PTPRM: variants seen among roughly 807,000 people sequenced by gnomAD.
PTPRM encodes the protein receptor-type tyrosine-protein phosphatase mu.
PTPRM carries 47 observed loss-of-function variants against 186.7 expected under a neutral mutation model. That is an observed-to-expected ratio of 0.25 (90% confidence interval 0.20 to 0.32). The LOEUF is 0.32. Ranked by LOEUF, PTPRM falls within the 10% of genes least tolerant of loss-of-function variation. PTPRM has a pLI of 1.00. For missense variants in PTPRM, 1,494 were observed against 1,865.0 expected (o/e 0.80, Z 3.66); for synonymous variants, 668 against 674.9 (o/e 0.99, Z 0.16).
intron 22 of PTPRM, among the ~76,000 whole-genome samples, chr18:8,335,673 C>G (rs945384438): frequency 2.0e-5 from 3 of 152,184 alleles, no homozygotes; most frequent in African/African-American, 7.2e-5. Context: ...CTTTCACTTA[C>G]GGGTTTCATC....
At chr18:8,365,989 G>A (rs772445315) in intron 23 of PTPRM, among the ~76,000 whole-genome samples, 1 of 152,176 alleles carries the variant, frequency 6.6e-6, no homozygotes, top group African/African-American at 2.4e-5. Context: ...ATGGCCTGGG[G>A]AGAGGGGGGC....
chr18:8,358,247 A>ATG (rs1263323649), intron 23 of PTPRM, among the ~76,000 whole-genome samples: 2 of 105,444 alleles, frequency 1.9e-5, no homozygotes, highest in African/African-American at 8.0e-5. Context: ...TGCACATGAC[A>ATG]CGCACACACA....
intron 1 of PTPRM, among the ~76,000 whole-genome samples, chr18:7,601,678 C>T (rs1400074022): frequency 6.6e-6 from 1 of 152,200 alleles, no homozygotes. Context: ...AGGATTATCT[C>T]CACATTGTAG....
At chr18:8,033,374 T>G (rs982719290) in intron 7 of PTPRM, among the ~76,000 whole-genome samples, 1 of 152,150 alleles carries the variant, frequency 6.6e-6, no homozygotes, top group African/African-American at 2.4e-5. Flanking sequence ...CACTATACAG[T>G]CATGTGTCAC....
intron 1 of PTPRM, among the ~76,000 whole-genome samples, chr18:7,701,470 C>A (rs548296787): frequency 7.1e-6 from 1 of 140,706 alleles, no homozygotes; most frequent in South Asian, 2.3e-4. Context: ...CGTGGTGGCG[C>A]GTGCGTGTAG....
At chr18:7,937,261 A>AGACCTAGAAGCTCCCC (rs2051874285) in intron 5 of PTPRM, among the ~76,000 whole-genome samples, 1 of 152,346 alleles carries the variant, frequency 6.6e-6, no homozygotes, top group East Asian at 1.9e-4. Context: ...CAGGGAGCCC[A>AGACCTAGAAGCTCCCC]GACCTAGAAG....
intron 3 of PTPRM, among the ~76,000 whole-genome samples, chr18:7,889,332 T>TC (rs2048941319): frequency 4.0e-5 from 5 of 123,536 alleles, no homozygotes; most frequent in African/African-American, 2.0e-4. Flanking sequence ...TTCTTTTCTT[T>TC]CTTTTTTTTT....
intron 7 of PTPRM, among the ~76,000 whole-genome samples, chr18:8,033,211 C>G (rs949651772): frequency 6.6e-5 from 10 of 151,914 alleles, no homozygotes; most frequent in African/African-American, 2.4e-4. Context: ...TAAAACTGGG[C>G]AAAGGATTAT....
At chr18:8,016,830 T>A (rs1224547191) in intron 7 of PTPRM, among the ~76,000 whole-genome samples, 1 of 152,206 alleles carries the variant, frequency 6.6e-6, no homozygotes, top group Non-Finnish European at 1.5e-5. Context: ...AATCTGGAGA[T>A]GATCACACTT....
intron 7 of PTPRM, among the ~76,000 whole-genome samples, chr18:8,006,717 G>T (rs555126908): frequency 2.6e-5 from 4 of 152,194 alleles, no homozygotes; most frequent in Non-Finnish European, 5.9e-5. Context: ...TGAAGCACCA[G>T]TCACACCAAA....
rs2036497707 is a variant in PTPRM at position 7,568,719 on chromosome 18, T to C, written c.73+828T>C. 6.6e-6 allele frequency among the ~76,000 whole-genome samples: 1 copy of C among 152,112 alleles called. No homozygotes were observed. The highest frequency in any genetic ancestry group is 1.5e-5 in the Non-Finnish European group (1 of 68,006). ...GTGTGCGAGCAAGCGTGTGAGTGTG[T>C]GCGCGTGTGTGCCTGCACGCGCGCG... On this transcript the variant is annotated intron_variant, in intron 1 of 32. Transcript: ENST00000580170. The surrounding 1 kb of genome is among the most constrained non-coding windows in gnomAD (Gnocchi z 5.1).
intron 7 of PTPRM, among the ~76,000 whole-genome samples, chr18:8,031,369 A>C (rs778731050): frequency 1.3e-5 from 2 of 152,212 alleles, no homozygotes; most frequent in Non-Finnish European, 2.9e-5. Context: ...AATGAAAAAC[A>C]GGTGTCAAGT....
At chr18:8,288,274 C>G (rs2094980116) in intron 19 of PTPRM, among the ~76,000 whole-genome samples, 1 of 152,166 alleles carries the variant, frequency 6.6e-6, no homozygotes, top group Admixed American at 6.5e-5. Flanking sequence ...GCCAAAGAAA[C>G]AAGGACTCCC....
intron 19 of PTPRM, among the ~76,000 whole-genome samples, chr18:8,284,697 A>G (rs1361423381): frequency 2.0e-5 from 3 of 152,154 alleles, no homozygotes; most frequent in Non-Finnish European, 2.9e-5. Flanking sequence ...ACAGTGAGTT[A>G]CGATTGCACC....
intron 1 of PTPRM, among the ~76,000 whole-genome samples, chr18:7,695,282 A>G (rs534336448): frequency 2.0e-5 from 3 of 152,286 alleles, no homozygotes; most frequent in Non-Finnish European, 4.4e-5. Flanking sequence ...TAGATGTAAG[A>G]CTGGTTTTGA....
chr18:8,312,832 A>G lies in PTPRM; in HGVS notation c.2843-1949A>G, dbSNP rs551052407. On this transcript the variant is annotated intron_variant, in intron 20 of 32. Coordinates refer to ENST00000580170, the MANE Select transcript of PTPRM (RefSeq NM_001105244.2). Reference sequence around the variant, plus strand: ...GGCCCAGCTTGTCACCACATTCCAGATAAACTTATTGCACCCCAACTAATG... The same window carrying G: ...GGCCCAGCTTGTCACCACATTCCAGGTAAACTTATTGCACCCCAACTAATG... Among the ~76,000 whole-genome samples, 4 of 152,272 alleles carry G rather than the reference A, an allele frequency of 2.6e-5. No individual in the cohort carries two copies. The South Asian group carries it at 6.2e-4, about 24-fold the overall frequency.
At chr18:8,309,715 AAAT>A (rs1159089733) in intron 20 of PTPRM, among the ~76,000 whole-genome samples, 1 of 152,140 alleles carries the variant, frequency 6.6e-6, no homozygotes, top group Non-Finnish European at 1.5e-5. Flanking sequence ...AGGTCTCTAA[AAAT>A]AATAATAAAA....
At chr18:7,627,769 C>A (rs1270299852) in intron 1 of PTPRM, among the ~76,000 whole-genome samples, 1 of 152,154 alleles carries the variant, frequency 6.6e-6, no homozygotes, top group Non-Finnish European at 1.5e-5. Flanking sequence ...TAGAGCTGAA[C>A]TTTAACTCGG....
intron 1 of PTPRM, among the ~76,000 whole-genome samples, chr18:7,699,461 T>C (rs193013019): frequency 3.0e-4 from 45 of 152,308 alleles, no homozygotes; most frequent in African/African-American, 8.7e-4. Context: ...CAGGCTGAAG[T>C]AGAGTGGCGC....
Sources: gnomAD v4.1 joint callset for allele counts (sites outside exome capture counted in the v4.1 genomes callset) on GRCh38, gnomAD v4.1.1 for gene constraint, Gnocchi (gnomAD v3.1) non-coding constraint, MANE v1.5 for transcripts, NCBI Gene and HGNC (gene_info 2026-07-23, HGNC 2026-07-21) for gene names.